MYO9B: variants seen among roughly 807,000 people sequenced by gnomAD.
The protein encoded by MYO9B is unconventional myosin-IXb.
Under a neutral mutation model 229.5 loss-of-function variants are expected in MYO9B, and 71 were observed. That is an observed-to-expected ratio of 0.31 (90% confidence interval 0.26 to 0.38). The LOEUF (loss-of-function observed/expected upper bound fraction) is 0.38. MYO9B is among the 10% of genes least tolerant of loss of function. The pLI is 1.00. For synonymous variants in MYO9B, 1,185 were observed against 1,235.8 expected (o/e 0.96, Z 0.86); for missense variants, 2,255 against 2,920.5 (o/e 0.77, Z 5.25).
chr19:17,121,463 A>ATATATATATATATATC (rs1030275525), intron 2 of MYO9B, among the ~76,000 whole-genome samples: 1 of 149,904 alleles, frequency 6.7e-6, no homozygotes, highest in African/African-American at 2.5e-5. Flanking sequence ...ATATATATAT[A>ATATATATATATATATC]TCCAAGAGCT....
At chr19:17,171,407 A>C (rs928483629) in intron 11 of MYO9B, among the ~76,000 whole-genome samples, 1 of 151,744 alleles carries the variant, frequency 6.6e-6, no homozygotes, top group Admixed American at 6.6e-5. Flanking sequence ...ACTGTGGAGC[A>C]GGAGAAGGAC....
At chr19:17,191,473 A>AGGGAC (rs2072984831) in intron 20 of MYO9B, among the ~76,000 whole-genome samples, 1 of 152,208 alleles carries the variant, frequency 6.6e-6, no homozygotes, top group Non-Finnish European at 1.5e-5. Flanking sequence ...CAGGTAGGAA[A>AGGGAC]GGGACGATCG....
In MYO9B at chr19:17,102,173, T is replaced by C. The variant is rs776493375; in HGVS notation, c.456T>C (p.Cys152=). ...PRQQADFDDL[C]NLPELTEGNL... ...AGCAGGCGGACTTTGATGACCTGTG[T>C]AACCTCCCCGAGCTAACCGAGGGCA... Residue 152 remains cysteine, a synonymous_variant, in exon 2 of 40, where the codon TGT becomes TGC. Coordinates refer to ENST00000682292, the MANE Select transcript of MYO9B (RefSeq NM_004145.4). 2 of 1,613,846 alleles carry C rather than the reference T, an allele frequency of 1.2e-6. No homozygotes were observed. The highest frequency in any genetic ancestry group is 1.7e-5 in the Admixed American group (1 of 60,026).
chr19:17,092,677 A>T (rs548909332), intron 1 of MYO9B, among the ~76,000 whole-genome samples: 2 of 150,010 alleles, frequency 1.3e-5, no homozygotes, highest in Admixed American at 1.3e-4. Flanking sequence ...GTGAGCTGAG[A>T]TCGCACCGCT....
chr19:17,127,253 C>A (rs958019273), intron 2 of MYO9B, among the ~76,000 whole-genome samples: 1 of 144,314 alleles, frequency 6.9e-6, no homozygotes, highest in African/African-American at 2.6e-5. Context: ...ACCCACCCCC[C>A]TCGGCCTTCC....
chr19:17,163,845 C>T (rs1267959387), intron 10 of MYO9B, among the ~76,000 whole-genome samples: 1 of 152,182 alleles, frequency 6.6e-6, no homozygotes, highest in African/African-American at 2.4e-5. Flanking sequence ...ATTCCATTTT[C>T]TGGATGTACC....
At chr19:17,141,035 T>G (rs2072332527) in intron 2 of MYO9B, among the ~76,000 whole-genome samples, 1 of 144,352 alleles carries the variant, frequency 6.9e-6, no homozygotes, top group Non-Finnish European at 1.5e-5. Context: ...ACCCAGGAGG[T>G]GGAGGTTGCA....
chr19:17,130,206 C>T (rs559296882), intron 2 of MYO9B, among the ~76,000 whole-genome samples: 2 of 152,256 alleles, frequency 1.3e-5, no homozygotes, highest in Admixed American at 1.3e-4. Context: ...CACAGTGGCT[C>T]ACACCTGTAA....
intron 1 of MYO9B, among the ~76,000 whole-genome samples, chr19:17,091,173 T>C (rs933282437): frequency 2.0e-5 from 3 of 152,240 alleles, no homozygotes; most frequent in Non-Finnish European, 4.4e-5. Flanking sequence ...AAGGATTCTT[T>C]CACAAAAGGC....
intron 18 of MYO9B, 94 bp from the exon 19 acceptor site, chr19:17,187,841 C>T: frequency 2.9e-6 from 3 of 1,022,772 alleles, no homozygotes; most frequent in Non-Finnish European, 2.9e-6. Context: ...GGGAAGTGCC[C>T]TCATCTCACA....
At chr19:17,099,597 C>T (rs1005919856) in intron 1 of MYO9B, among the ~76,000 whole-genome samples, 1 of 151,772 alleles carries the variant, frequency 6.6e-6, no homozygotes, top group African/African-American at 2.4e-5. Context: ...GGGTGGATCA[C>T]GAGGTCAGGA....
chr19:17,084,070 A>G (rs1341732718), intron 1 of MYO9B, among the ~76,000 whole-genome samples: 1 of 152,088 alleles, frequency 6.6e-6, no homozygotes, highest in Non-Finnish European at 1.5e-5. Flanking sequence ...CCAAGTGATT[A>G]CATGCCTGTA....
chr19:17,208,484 T>G (rs1599429864), intron 35 of MYO9B, among the ~76,000 whole-genome samples: 1 of 150,760 alleles, frequency 6.6e-6, no homozygotes, highest in African/African-American at 2.4e-5. Flanking sequence ...CAGGCTGGAG[T>G]GCAGTGGCAC....
At chr19:17,156,259 G>A (rs2072536503) in intron 6 of MYO9B, among the ~76,000 whole-genome samples, 1 of 151,768 alleles carries the variant, frequency 6.6e-6, no homozygotes, top group South Asian at 2.1e-4. Context: ...TTGTGAGACA[G>A]TTTCACTAGC....
chr19:17,185,917 A>C lies in MYO9B; in HGVS notation c.2497-4A>C, dbSNP rs377446239. On this transcript the variant is annotated splice_polypyrimidine_tract_variant and splice_region_variant and intron_variant, in intron 17 of 39. Coordinates refer to ENST00000682292, the MANE Select transcript of MYO9B (RefSeq NM_004145.4). ...ACCCAAATGCTTTCTCTTTCCCTTAACAGACATCCCTTAACAAGCTCTTGG... is the reference window on the plus strand; with the variant it reads ...ACCCAAATGCTTTCTCTTTCCCTTACCAGACATCCCTTAACAAGCTCTTGG... 67 of 1,613,166 alleles carry C rather than the reference A, an allele frequency of 4.2e-5. No homozygotes were observed. Among genetic ancestry groups the C allele is most frequent in the Non-Finnish European group, 5.4e-5 (64 of 1,179,320 alleles).
chr19:17,111,777 C>G (rs1470717530), intron 2 of MYO9B, among the ~76,000 whole-genome samples: 1 of 152,158 alleles, frequency 6.6e-6, no homozygotes, highest in Admixed American at 6.5e-5. Flanking sequence ...CATCAGCATT[C>G]ACTCCCCACT....
chr19:17,166,231 CAG>C, intron 10 of MYO9B, among the ~76,000 whole-genome samples: 1 of 152,168 alleles, frequency 6.6e-6, no homozygotes, highest in South Asian at 2.1e-4. Flanking sequence ...TTAGTAGAGA[CAG>C]GGTTTCACCA....
intron 1 of MYO9B, chr19:17,095,682 G>A (rs1330244055): frequency 6.6e-6 from 1 of 152,258 alleles, no homozygotes; most frequent in African/African-American, 2.4e-5. Flanking sequence ...AAGGAATTGA[G>A]TCGCTGCTTT....
At chr19:17,164,277 T>C (rs2072635544) in intron 10 of MYO9B, among the ~76,000 whole-genome samples, 1 of 152,198 alleles carries the variant, frequency 6.6e-6, no homozygotes, top group African/African-American at 2.4e-5. Context: ...CCACAGTTCA[T>C]GTGGGGGCTT....
Sources: allele counts gnomAD v4.1 joint callset (sites outside exome capture counted in the v4.1 genomes callset), GRCh38; gene constraint gnomAD v4.1.1; transcripts MANE v1.5; gene names NCBI Gene and HGNC (gene_info 2026-07-23, HGNC 2026-07-21).